Variants in NSL1 observed in about 807,000 individuals in gnomAD.
NSL1 encodes kinetochore-associated protein NSL1 homolog.
In NSL1, 11 loss-of-function variants were observed where a neutral mutation model predicts 25.4. The observed-to-expected ratio is 0.43, with a 90% confidence interval of 0.27 to 0.72. The LOEUF is 0.72. Among genes scored for constraint, NSL1 ranks in the 30% least tolerant of loss-of-function variants. NSL1 has a pLI of 0.19. For missense variants in NSL1, 330 were observed against 342.7 expected, an observed-to-expected ratio of 0.96 and a Z score of 0.29; for synonymous variants, 118 against 120.6, an observed-to-expected ratio of 0.98 and a Z score of 0.14.
At chr1:212,745,553 G>A (rs1037158964) in intron 4 of NSL1, among the ~76,000 whole-genome samples, 2 of 152,134 alleles carry the variant, frequency 1.3e-5, no homozygotes, top group Admixed American at 6.5e-5. Flanking sequence ...AGAGCACTGG[G>A]AGGATATGGT....
At chr1:212,777,603 T>C (rs1248482090) in intron 4 of NSL1, among the ~76,000 whole-genome samples, 6 of 152,226 alleles carry the variant, frequency 3.9e-5, no homozygotes, top group Non-Finnish European at 2.9e-5. Flanking sequence ...ACATTGTTTA[T>C]GGATATGTAT....
chr1:212,768,319 C>CAAAAAAAAAAAAAAAAAAA (rs34528216), intron 4 of NSL1, among the ~76,000 whole-genome samples: 1 of 68,906 alleles, frequency 1.5e-5, no homozygotes, highest in East Asian at 4.0e-4. Flanking sequence ...GACTCCGTCT[C>CAAAAAAAAAAAAAAAAAAA]AAAAAAAAAA....
chr1:212,764,574 G>A (rs1025092442), intron 4 of NSL1, among the ~76,000 whole-genome samples: 4 of 152,046 alleles, frequency 2.6e-5, no homozygotes, highest in East Asian at 1.9e-4. Flanking sequence ...CTCAATTCAC[G>A]GTGGCTCATG....
At chr1:212,745,177 TATATATATATATATATATATATATATGC>T (rs143426334) in intron 4 of NSL1, among the ~76,000 whole-genome samples, 15,901 of 51,508 alleles carry the variant, frequency 0.31, 1,199 homozygotes, top group South Asian at 0.36. Flanking sequence ...TATATATATA[TATATATATATATATATATATATATATGC>T]ATATGCATAT....
At position 212,730,274 on chromosome 1, in the gene NSL1, C is replaced by A; in HGVS notation, c.*8134G>T. ...AAAAAAAAAAAAAAAAAGAAATGCGCCAAGTCTCAGGTATTTATGGACTGG... is the reference window on the plus strand; with the variant it reads ...AAAAAAAAAAAAAAAAAGAAATGCGACAAGTCTCAGGTATTTATGGACTGG... On this transcript the variant is annotated 3_prime_UTR_variant, in exon 6 of 6. Coordinates refer to ENST00000366977, the MANE Select transcript of NSL1 (RefSeq NM_015471.4). 1 of 962,362 alleles carries A rather than the reference C, an allele frequency of 1.0e-6. No homozygotes were observed. The highest frequency in any genetic ancestry group is 4.8e-5 in the South Asian group (1 of 20,648). The allele number at this position is 962,362 out of a possible 1,614,324, so 59.6% of individuals were successfully genotyped here.
At chr1:212,777,351 T>C (rs1449593261) in intron 4 of NSL1, among the ~76,000 whole-genome samples, 12 of 151,556 alleles carry the variant, frequency 7.9e-5, no homozygotes, top group Non-Finnish European at 2.9e-5. Context: ...CAGTTCAGCC[T>C]GGGTGGCTTC....
rs1291743924 is a variant in NSL1, at chr1:212,730,230, A to G, written c.*8178T>C. 3.2e-6 allele frequency: 3 copies of G among 931,932 alleles called. No individual in the cohort carries two copies. Among genetic ancestry groups the G allele is most frequent in the Non-Finnish European group, 3.8e-6 (3 of 799,406 alleles). The allele number at this position is 931,932 out of a possible 1,614,324, so 57.7% of individuals were successfully genotyped here. ...GCTCCACTACACTCCAGCCTGGGTG[A>G]CAGTCTCAAAAAAAAAAAAAAAAAA... On this transcript the variant is annotated 3_prime_UTR_variant, in exon 6 of 6. Transcript: ENST00000366977.
chr1:212,777,695 G>C (rs539919347), intron 4 of NSL1, among the ~76,000 whole-genome samples: 15 of 152,282 alleles, frequency 9.9e-5, no homozygotes, highest in Admixed American at 2.0e-4. Context: ...GTAAGAGAGG[G>C]AGTGGAATGG....
intron 4 of NSL1, among the ~76,000 whole-genome samples, chr1:212,762,130 T>C (rs1659599736): frequency 6.6e-6 from 1 of 151,926 alleles, no homozygotes; most frequent in Non-Finnish European, 1.5e-5. Flanking sequence ...AAACCATGTC[T>C]CTACTAAAAG....
At chr1:212,759,365 GA>G (rs1659454616) in intron 4 of NSL1, among the ~76,000 whole-genome samples, 1 of 152,066 alleles carries the variant, frequency 6.6e-6, no homozygotes, top group Non-Finnish European at 1.5e-5. Flanking sequence ...CAGCATCCAA[GA>G]AAAAACAGTG....
In NSL1 at chr1:212,733,604, G is replaced by A. The variant is rs972032078; in HGVS notation, c.*4804C>T. Among the ~76,000 whole-genome samples the A allele has an allele frequency of 3.3e-5, 5 of 152,128 alleles. No homozygotes were observed. The highest frequency in any genetic ancestry group is 1.2e-4 in the African/African-American group (5 of 41,426). ...TCTACAAAATTCAGCAGTCTTTTGTGAGAGGCTTCTTTCACTTGGCATGTT... is the reference window on the plus strand; with the variant it reads ...TCTACAAAATTCAGCAGTCTTTTGTAAGAGGCTTCTTTCACTTGGCATGTT... On this transcript the variant is annotated 3_prime_UTR_variant, in exon 6 of 6. Transcript: ENST00000366977.
chr1:212,749,410 T>A (rs1658962588), intron 4 of NSL1, among the ~76,000 whole-genome samples: 1 of 140,422 alleles, frequency 7.1e-6, no homozygotes, highest in South Asian at 2.4e-4. Flanking sequence ...AGTGATGTGA[T>A]CACTGCTCAG....
chr1:212,765,941 C>T (rs1659786820), intron 4 of NSL1, among the ~76,000 whole-genome samples: 1 of 151,974 alleles, frequency 6.6e-6, no homozygotes, highest in Admixed American at 6.6e-5. Flanking sequence ...TTGAGACCAT[C>T]CTGGCCAACA....
At chr1:212,781,387 C>T (rs1008760911) in intron 4 of NSL1, among the ~76,000 whole-genome samples, 3 of 152,126 alleles carry the variant, frequency 2.0e-5, no homozygotes, top group African/African-American at 7.2e-5. Flanking sequence ...AAAACCAAAA[C>T]AAGTATATGT....
chr1:212,728,270 A>G lies in NSL1; in HGVS notation c.*10138T>C, dbSNP rs1207336579. ...AGCAAATAAGTTGATAACATTATATATGTAAACATTTATTTAAAGTATTTT... is the reference window on the plus strand; with the variant it reads ...AGCAAATAAGTTGATAACATTATATGTGTAAACATTTATTTAAAGTATTTT... On this transcript the variant is annotated 3_prime_UTR_variant, in exon 6 of 6. Coordinates refer to ENST00000366977, the MANE Select transcript of NSL1 (RefSeq NM_015471.4). 40 of 971,016 alleles carry G rather than the reference A, an allele frequency of 4.1e-5. No homozygotes were observed. Among genetic ancestry groups the G allele is most frequent in the Non-Finnish European group, 4.9e-6 (4 of 816,900 alleles). The allele number at this position is 971,016 out of a possible 1,614,324, so 60.2% of individuals were successfully genotyped here.
chr1:212,752,072 T>C (rs532070121), intron 4 of NSL1, among the ~76,000 whole-genome samples: 1 of 152,244 alleles, frequency 6.6e-6, no homozygotes, highest in East Asian at 1.9e-4. Flanking sequence ...CCACCAACAA[T>C]GGTGTTAAAG....
intron 1 of NSL1, among the ~76,000 whole-genome samples, chr1:212,788,844 T>C (rs549421093): frequency 5.9e-5 from 9 of 152,250 alleles, no homozygotes; most frequent in African/African-American, 1.7e-4. Context: ...TAACAAATAA[T>C]AGACATGTTT....
Position 212,731,739 on chromosome 1 carries a change from G to A in NSL1, c.*6669C>T, listed in dbSNP as rs116370347. On this transcript the variant is annotated 3_prime_UTR_variant, in exon 6 of 6. Transcript: ENST00000366977. Reference sequence around the variant, plus strand: ...CATCCACTGACTTCCAGTTGTGGTGGGTGAAGATTTCACTCCCCACTGCCA... The same window carrying A: ...CATCCACTGACTTCCAGTTGTGGTGAGTGAAGATTTCACTCCCCACTGCCA... 2,904 of 985,302 alleles carry A rather than the reference G, an allele frequency of 2.9e-3. 52 individuals carry two copies. In the African/African-American group the frequency reaches 0.048, roughly 16 times the overall value. 61.0% of individuals were successfully genotyped at this position (985,302 alleles called of 1,614,324 possible).
chr1:212,745,282 G>A (rs1445361900), intron 4 of NSL1, among the ~76,000 whole-genome samples: 1 of 150,644 alleles, frequency 6.6e-6, no homozygotes, highest in Non-Finnish European at 1.5e-5. Context: ...AAGAGATAAT[G>A]GCCAATAACT....
Sources: allele counts gnomAD v4.1 joint callset (sites outside exome capture counted in the v4.1 genomes callset), GRCh38; gene constraint gnomAD v4.1.1; transcripts MANE v1.5; gene names NCBI Gene and HGNC (gene_info 2026-07-23, HGNC 2026-07-21).